LRRC63: variants seen among roughly 807,000 people sequenced by gnomAD.
The protein encoded by LRRC63 is leucine-rich repeat-containing protein 63.
In LRRC63, 40 loss-of-function variants were observed where a neutral mutation model predicts 49.5. That is an observed-to-expected ratio of 0.81 (90% CI 0.63 to 1.05). The LOEUF (loss-of-function observed/expected upper bound fraction) is 1.05. Among genes scored for constraint, LRRC63 ranks in the 50% least tolerant of loss-of-function variants. LRRC63 has a pLI of 0.00. For missense variants in LRRC63, 636 were observed against 663.1 expected, an observed-to-expected ratio of 0.96 and a Z score of 0.45; for synonymous variants, 191 against 221.1, an observed-to-expected ratio of 0.86 and a Z score of 1.21.
chr13:46,266,778 C>T (rs1042850586), exon 9 of LRRC63: 42 of 1,549,160 alleles, frequency 2.7e-5, no homozygotes, highest in Non-Finnish European at 3.3e-5. Context: ...TGAGTTTTTT[C>T]CCCCATGGAA....
At chr13:46,258,807 CAAAAA>C (rs11451920) in intron 7 of LRRC63, among the ~76,000 whole-genome samples, 2 of 89,998 alleles carry the variant, frequency 2.2e-5, no homozygotes, top group Non-Finnish European at 2.4e-5. Context: ...GACTCTGTCT[CAAAAA>C]AAAAAAAAAA....
At chr13:46,231,761 C>T (rs991037201) in intron 4 of LRRC63, among the ~76,000 whole-genome samples, 1 of 151,694 alleles carries the variant, frequency 6.6e-6, no homozygotes, top group Non-Finnish European at 1.5e-5. Context: ...CCTCCTCGGC[C>T]TCCCAAAGTG....
chr13:46,260,540 A>G (rs886551372), intron 7 of LRRC63, among the ~76,000 whole-genome samples: 2 of 152,170 alleles, frequency 1.3e-5, no homozygotes, highest in Non-Finnish European at 1.5e-5. Flanking sequence ...AGAAGCTCAT[A>G]ATTTTAGGAG....
intron 5 of LRRC63, among the ~76,000 whole-genome samples, chr13:46,237,143 A>G (rs1365167143): frequency 6.6e-6 from 1 of 152,184 alleles, no homozygotes; most frequent in Admixed American, 6.6e-5. Context: ...AATGAACAAA[A>G]CCAACAATGA....
At chr13:46,216,444 C>T (rs569989841) in intron 2 of LRRC63, among the ~76,000 whole-genome samples, 244 of 152,262 alleles carry the variant, frequency 1.6e-3, no homozygotes, top group African/African-American at 5.6e-3. Context: ...ATACGAATGC[C>T]TGTGATTTTT....
At chr13:46,228,799 G>T in intron 4 of LRRC63, 66 bp downstream of exon 4, 2 of 1,141,106 alleles carry the variant, frequency 1.8e-6, no homozygotes, top group South Asian at 2.8e-5. Context: ...AAAAAATTAT[G>T]GGTGATTTTT....
chr13:46,255,798 C>T (rs1169898180), intron 7 of LRRC63, among the ~76,000 whole-genome samples: 1 of 151,940 alleles, frequency 6.6e-6, no homozygotes, highest in African/African-American at 2.4e-5. Flanking sequence ...CAAATATACG[C>T]ACCCATATAA....
At chr13:46,228,503 C>T (rs1291883157) in intron 3 of LRRC63, among the ~76,000 whole-genome samples, 162 bp from the exon 4 acceptor site, 2 of 152,122 alleles carry the variant, frequency 1.3e-5, no homozygotes, top group Admixed American at 1.3e-4. Flanking sequence ...TCTAGAAGAA[C>T]TCCAGAAGTA....
At chr13:46,250,438 G>A in exon 7 of LRRC63, 2 of 1,536,558 alleles carry the variant, frequency 1.3e-6, no homozygotes, top group South Asian at 1.2e-5. Context: ...AACAACTTGA[G>A]TTCCTTAGAA....
chr13:46,250,315 A>C, intron 6 of LRRC63, 40 bp from the exon 7 acceptor site: 2 of 1,417,822 alleles, frequency 1.4e-6, no homozygotes, highest in Non-Finnish European at 9.5e-7. Context: ...TGCATACTTT[A>C]TTATTCCGCT....
chr13:46,276,871 T>C (rs1469711028), exon 10 of LRRC63: 3,114 of 158,998 alleles, frequency 0.02, 154 homozygotes, highest in African/African-American at 0.079. Context: ...TATATATTTA[T>C]ATATATATAT....
intron 4 of LRRC63, among the ~76,000 whole-genome samples, chr13:46,229,933 A>T (rs1375104505): frequency 6.6e-6 from 1 of 152,104 alleles, no homozygotes; most frequent in African/African-American, 2.4e-5. Flanking sequence ...GAGCTTGAAC[A>T]TCACATGATG....
intron 7 of LRRC63, among the ~76,000 whole-genome samples, chr13:46,260,532 A>G (rs2047597870): frequency 6.6e-6 from 1 of 152,212 alleles, no homozygotes; most frequent in South Asian, 2.1e-4. Flanking sequence ...TGCCCTCTAG[A>G]AGCTCATAAT....
chr13:46,270,338 G>T, intron 9 of LRRC63: 1 of 864,236 alleles, frequency 1.2e-6, no homozygotes, highest in East Asian at 2.4e-5. Flanking sequence ...ATTTAAGTGG[G>T]GGGCACAGTT....
In LRRC63 at chr13:46,229,718, G is replaced by A. The variant is rs373497746; in HGVS notation, c.832+985G>A. Among the ~76,000 whole-genome samples the A allele has an allele frequency of 6.6e-5, 10 of 152,264 alleles. No homozygotes were observed. In the East Asian group the frequency reaches 9.6e-4, roughly 15 times the overall value. ...GAGTATCACTTTAGCCCAGGAGTTC[G>A]AGGCCCGCCTGGAACATAGTGAGAC... On this transcript the variant is annotated intron_variant, in intron 4 of 9. Coordinates refer to ENST00000595396, the Ensembl canonical transcript of LRRC63.
intron 5 of LRRC63, among the ~76,000 whole-genome samples, chr13:46,244,923 A>T (rs1594064377): frequency 2.0e-5 from 3 of 152,320 alleles, no homozygotes; most frequent in East Asian, 3.9e-4. Context: ...AGATTGTCAA[A>T]CTGGCTAATG....
chr13:46,254,060 T>C (rs1256738569), intron 7 of LRRC63, among the ~76,000 whole-genome samples: 1 of 152,040 alleles, frequency 6.6e-6, no homozygotes, highest in Non-Finnish European at 1.5e-5. Flanking sequence ...GTGGATTATT[T>C]TGAAAAAGAA....
intron 2 of LRRC63, 51 bp downstream of exon 2, chr13:46,213,170 A>G (rs1192835703): frequency 5.6e-6 from 7 of 1,241,608 alleles, no homozygotes; most frequent in Non-Finnish European, 7.9e-6. Context: ...TCTTTCATAG[A>G]AATTCCTTGA....
At chr13:46,225,658 A>G (rs1200273490) in intron 2 of LRRC63, among the ~76,000 whole-genome samples, 7 of 152,170 alleles carry the variant, frequency 4.6e-5, no homozygotes, top group Admixed American at 3.3e-4. Flanking sequence ...TGGTATAGCT[A>G]TTTTATTGAA....
Sources: allele counts gnomAD v4.1 joint callset (sites outside exome capture counted in the v4.1 genomes callset), GRCh38; gene constraint gnomAD v4.1.1; transcripts MANE v1.5; gene names NCBI Gene and HGNC (gene_info 2026-07-23, HGNC 2026-07-21).